The following RBFOX1 variants were observed in gnomAD, a reference collection of about 807,000 sequenced individuals.
RBFOX1 encodes RNA binding fox-1 homolog 1, also known as RNA binding protein fox-1 homolog 1.
RBFOX1 carries 8 observed loss-of-function variants against 57.7 expected under a neutral mutation model. The ratio of observed to expected loss-of-function variants is 0.14; its 90% confidence interval spans 0.08 to 0.25. The LOEUF (loss-of-function observed/expected upper bound fraction) is 0.25. RBFOX1 is among the 10% of genes least tolerant of loss of function. The probability of loss-of-function intolerance (pLI) is 1.00; values close to 1 mark genes in which losing one functional copy is unlikely to be tolerated. For synonymous variants in RBFOX1, 326 were observed against 222.4 expected, an observed-to-expected ratio of 1.47 and a Z score of -4.15; for missense variants, 611 against 548.5, an observed-to-expected ratio of 1.11 and a Z score of -1.14.
chr16:7,445,076 A>C (rs1195351463), intron 4 of RBFOX1, among the ~76,000 whole-genome samples: 1 of 149,864 alleles, frequency 6.7e-6, no homozygotes, highest in South Asian at 2.2e-4. Context: ...CTGCCCGGAA[A>C]AATACTGTCT....
At chr16:5,590,280 G>A (rs1395064484) in intron 2 of RBFOX1, among the ~76,000 whole-genome samples, 2 of 152,176 alleles carry the variant, frequency 1.3e-5, no homozygotes, top group Non-Finnish European at 2.9e-5. Context: ...CACTTGCATT[G>A]ATTTCTTTGC....
At chr16:6,833,933 G>A (rs2092900842) in intron 3 of RBFOX1, among the ~76,000 whole-genome samples, 1 of 152,172 alleles carries the variant, frequency 6.6e-6, no homozygotes, top group African/African-American at 2.4e-5. Flanking sequence ...AGTGTGTCCA[G>A]AGTGATGTGA....
chr16:5,338,313 T>A (rs2064949384), intron 1 of RBFOX1, among the ~76,000 whole-genome samples: 1 of 152,150 alleles, frequency 6.6e-6, no homozygotes, highest in Admixed American at 6.5e-5. Context: ...TCAGATTCTC[T>A]CTCCTGGGAC....
At chr16:5,760,403 CAT>C (rs2053552139) in intron 3 of RBFOX1, among the ~76,000 whole-genome samples, 2 of 152,124 alleles carry the variant, frequency 1.3e-5, no homozygotes. Context: ...TACACACACA[CAT>C]ACATATATAC....
chr16:6,838,404 A>G (rs947360896), intron 3 of RBFOX1, among the ~76,000 whole-genome samples: 1 of 152,186 alleles, frequency 6.6e-6, no homozygotes, highest in African/African-American at 2.4e-5. Context: ...CATATGTGCC[A>G]CATTTTCTTT....
intron 1 of RBFOX1, among the ~76,000 whole-genome samples, chr16:6,032,683 A>G (rs895093957): frequency 1.2e-4 from 18 of 152,280 alleles, no homozygotes; most frequent in African/African-American, 4.3e-4. Context: ...TTAAAGCAAC[A>G]TTAATTATTT....
At chr16:6,123,733 C>T (rs907945105) in intron 1 of RBFOX1, among the ~76,000 whole-genome samples, 3 of 152,042 alleles carry the variant, frequency 2.0e-5, no homozygotes, top group South Asian at 2.1e-4. Flanking sequence ...GGCAAAATCC[C>T]GTCTTTACAA....
At chr16:5,323,150 G>A (rs950978764) in intron 1 of RBFOX1, among the ~76,000 whole-genome samples, 1 of 152,200 alleles carries the variant, frequency 6.6e-6, no homozygotes, top group African/African-American at 2.4e-5. Flanking sequence ...GCACAGTCTG[G>A]ACATATGACA....
At chr16:6,052,320 A>G (rs1390643248) in intron 1 of RBFOX1, among the ~76,000 whole-genome samples, 2 of 152,124 alleles carry the variant, frequency 1.3e-5, no homozygotes, top group Non-Finnish European at 2.9e-5. Context: ...GCCCAAGGTC[A>G]CGCAGAAATT....
intron 4 of RBFOX1, among the ~76,000 whole-genome samples, chr16:7,056,347 C>G (rs931315355): frequency 1.3e-5 from 2 of 152,132 alleles, no homozygotes; most frequent in Non-Finnish European, 2.9e-5. Flanking sequence ...ACTGAGTGTT[C>G]TTCTGAGCTT....
At chr16:6,478,224 C>CT (rs540210936) in intron 2 of RBFOX1, among the ~76,000 whole-genome samples, 1,925 of 132,260 alleles carry the variant, frequency 0.015, 93 homozygotes, top group Admixed American at 0.088. Flanking sequence ...CCTGTCCCAG[C>CT]TTTTTTTTTT....
chr16:6,799,942 GTGA>G (rs2084978607), intron 3 of RBFOX1, among the ~76,000 whole-genome samples: 1 of 152,122 alleles, frequency 6.6e-6, no homozygotes, highest in African/African-American at 2.4e-5. Context: ...ACTTCGTCTT[GTGA>G]TGATGTGAGT....
chr16:6,684,052 C>G (rs2059066494), intron 3 of RBFOX1, among the ~76,000 whole-genome samples: 3 of 152,160 alleles, frequency 2.0e-5, no homozygotes, highest in Admixed American at 2.0e-4. Context: ...TGGGCATCCT[C>G]AAATTTGTTT....
At chr16:5,654,727 C>G (rs1008042446) in intron 3 of RBFOX1, among the ~76,000 whole-genome samples, 1 of 152,110 alleles carries the variant, frequency 6.6e-6, no homozygotes, top group Non-Finnish European at 1.5e-5. Context: ...GTGATGTGCT[C>G]CTCCTCCTGC....
At chr16:6,790,892 G>C (rs973910094) in intron 3 of RBFOX1, among the ~76,000 whole-genome samples, 2 of 151,700 alleles carry the variant, frequency 1.3e-5, no homozygotes, top group African/African-American at 2.4e-5. Flanking sequence ...TATTTGTGTG[G>C]TTTATTTTTT....
chr16:5,451,648 G>A (rs2068428908), intron 1 of RBFOX1, among the ~76,000 whole-genome samples: 1 of 152,176 alleles, frequency 6.6e-6, no homozygotes, highest in African/African-American at 2.4e-5. Context: ...AGAAGTCTAC[G>A]TACAATGTCA....
At position 6,204,971 on chromosome 16, in the gene RBFOX1, T is replaced by C. The variant is rs17139539; in HGVS notation, c.-126-112024T>C. Reference sequence around the variant, plus strand: ...CTAACTCTGCAGTAGCACAATATTATTAGCAATAAAAGGAATTTGCTTTGC... The same window carrying C: ...CTAACTCTGCAGTAGCACAATATTACTAGCAATAAAAGGAATTTGCTTTGC... On this transcript the variant is annotated intron_variant, in intron 1 of 15. Transcript: ENST00000550418. Among the ~76,000 whole-genome samples the C allele has an allele frequency of 4.2e-3, 637 of 152,300 alleles. 5 individuals carry two copies. The highest frequency in any genetic ancestry group is 0.014 in the African/African-American group (574 of 41,570).
chr16:7,206,811 T>G (rs980900604), intron 4 of RBFOX1, among the ~76,000 whole-genome samples: 5 of 152,052 alleles, frequency 3.3e-5, no homozygotes, highest in Non-Finnish European at 7.3e-5. Flanking sequence ...GAAAGGGGCA[T>G]TTTAAGTTGG....
At chr16:6,914,514 G>A (rs1029092800) in intron 3 of RBFOX1, among the ~76,000 whole-genome samples, 10 of 151,856 alleles carry the variant, frequency 6.6e-5, no homozygotes, top group African/African-American at 2.4e-4. Context: ...CCTTTGATAA[G>A]TGAGAATCTC....
Sources: gnomAD v4.1 joint callset for allele counts (sites outside exome capture counted in the v4.1 genomes callset) on GRCh38, gnomAD v4.1.1 for gene constraint, MANE v1.5 for transcripts, NCBI Gene and HGNC (gene_info 2026-07-23, HGNC 2026-07-21) for gene names.